The following NRXN1 variants were observed in gnomAD, a reference collection of about 807,000 sequenced individuals.
NRXN1 encodes neurexin-1.
In NRXN1, 39 loss-of-function variants were observed where a neutral mutation model predicts 150.9. The observed-to-expected ratio is 0.26, with a 90% CI of 0.20 to 0.34. The LOEUF (loss-of-function observed/expected upper bound fraction) is 0.34, where lower values mean the gene tolerates loss of function less well. Ranked by LOEUF, NRXN1 falls within the 10% of genes least tolerant of loss-of-function variation. NRXN1 has a pLI of 1.00. For synonymous variants in NRXN1, 924 were observed against 757.0 expected, an observed-to-expected ratio of 1.22 and a Z score of -3.62; for missense variants, 1,815 against 1,949.9, an observed-to-expected ratio of 0.93 and a Z score of 1.30.
At chr2:50,269,971 A>AAAATT (rs1196148238) in intron 17 of NRXN1, among the ~76,000 whole-genome samples, 14 of 152,184 alleles carry the variant, frequency 9.2e-5, no homozygotes, top group African/African-American at 1.7e-4. Flanking sequence ...CTGTTAAAAC[A>AAAATT]AAATTAAATT....
At chr2:50,822,934 T>A (rs1669940071) in intron 5 of NRXN1, among the ~76,000 whole-genome samples, 1 of 152,192 alleles carries the variant, frequency 6.6e-6, no homozygotes, top group African/African-American at 2.4e-5. Flanking sequence ...AATCTCTGAC[T>A]GATTATGGGC....
chr2:50,838,274 T>A (rs1467606673), intron 5 of NRXN1, among the ~76,000 whole-genome samples: 2 of 152,154 alleles, frequency 1.3e-5, no homozygotes, highest in African/African-American at 4.8e-5. Context: ...CTGTTTCCCA[T>A]AATGAAATCA....
intron 19 of NRXN1, among the ~76,000 whole-genome samples, chr2:50,087,957 C>A (rs1391920501): frequency 1.3e-5 from 2 of 152,126 alleles, no homozygotes; most frequent in Non-Finnish European, 2.9e-5. Context: ...ATACTAATTA[C>A]TAATTTCAAT....
intron 18 of NRXN1, among the ~76,000 whole-genome samples, chr2:50,119,321 T>A (rs533672524): frequency 2.7e-5 from 4 of 150,828 alleles, no homozygotes; most frequent in Non-Finnish European, 5.9e-5. Context: ...TGGGACACAT[T>A]TCCTGCCAAA....
At chr2:50,644,450 CA>C (rs2104504857) in intron 5 of NRXN1, among the ~76,000 whole-genome samples, 1 of 151,594 alleles carries the variant, frequency 6.6e-6, no homozygotes, top group African/African-American at 2.4e-5. Flanking sequence ...CTATCAAAAG[CA>C]AAAGAAATAA....
At chr2:50,076,842 T>C (rs918016377) in intron 19 of NRXN1, among the ~76,000 whole-genome samples, 3 of 152,180 alleles carry the variant, frequency 2.0e-5, no homozygotes, top group Non-Finnish European at 1.5e-5. Flanking sequence ...AAACAGCCCT[T>C]ACAGATCTGA....
chr2:50,173,041 C>T (rs745933037), intron 18 of NRXN1, among the ~76,000 whole-genome samples: 1 of 152,170 alleles, frequency 6.6e-6, no homozygotes, highest in East Asian at 1.9e-4. Flanking sequence ...TAAACATATA[C>T]GCGCAATCTA....
chr2:50,358,668 C>T (rs1023080812), intron 17 of NRXN1, among the ~76,000 whole-genome samples: 20 of 152,226 alleles, frequency 1.3e-4, no homozygotes, highest in African/African-American at 3.9e-4. Flanking sequence ...AGCCAACTTA[C>T]CCACTCCTGC....
intron 18 of NRXN1, among the ~76,000 whole-genome samples, chr2:50,114,709 C>T (rs530681823): frequency 6.6e-6 from 1 of 152,196 alleles, no homozygotes; most frequent in African/African-American, 2.4e-5. Flanking sequence ...CATGAAAAAA[C>T]ATGGGGAAGT....
intron 8 of NRXN1, among the ~76,000 whole-genome samples, chr2:50,609,599 C>A (rs1035662431): frequency 6.6e-6 from 1 of 152,096 alleles, no homozygotes; most frequent in African/African-American, 2.4e-5. Context: ...TCAGGTGATA[C>A]AACTACCAAG....
intron 17 of NRXN1, among the ~76,000 whole-genome samples, chr2:50,274,410 C>T (rs745974897): frequency 3.9e-5 from 6 of 151,960 alleles, no homozygotes; most frequent in South Asian, 2.1e-4. Flanking sequence ...TGGGGGGCTA[C>T]GGGAGGGATA....
intron 5 of NRXN1, among the ~76,000 whole-genome samples, chr2:50,880,069 T>C (rs1472817412): frequency 6.6e-6 from 1 of 151,934 alleles, no homozygotes; most frequent in Non-Finnish European, 1.5e-5. Context: ...GACAAATGGT[T>C]CTCTGCTGCA....
chr2:50,030,227 T>C (rs1013570571), intron 21 of NRXN1, among the ~76,000 whole-genome samples: 3 of 152,160 alleles, frequency 2.0e-5, no homozygotes, highest in Non-Finnish European at 2.9e-5. Context: ...GCCTTTACTT[T>C]AGAAAACTTG....
intron 13 of NRXN1, 112 bp downstream of exon 13, chr2:50,506,382 AT>A (rs2092221971): frequency 1.2e-6 from 1 of 849,460 alleles, no homozygotes; most frequent in South Asian, 3.2e-5. Context: ...ATAAAAATGG[AT>A]TGTGTGAATA....
intron 18 of NRXN1, among the ~76,000 whole-genome samples, chr2:50,111,105 C>T (rs533784115): frequency 2.0e-5 from 3 of 152,112 alleles, no homozygotes; most frequent in Admixed American, 6.5e-5. Flanking sequence ...TAGATTGTCC[C>T]GTGATACACT....
chr2:50,100,670 A>G (rs1700861190), intron 18 of NRXN1, among the ~76,000 whole-genome samples: 1 of 152,046 alleles, frequency 6.6e-6, no homozygotes, highest in African/African-American at 2.4e-5. Context: ...TCCAAATAGC[A>G]TACGTTTGCA....
At chr2:50,908,965 T>C (rs189723856) in intron 5 of NRXN1, among the ~76,000 whole-genome samples, 2 of 152,154 alleles carry the variant, frequency 1.3e-5, no homozygotes, top group East Asian at 3.9e-4. Context: ...CTATAAGAAA[T>C]AAACTTATTT....
chr2:50,562,486 A>G (rs1669248073), intron 8 of NRXN1, among the ~76,000 whole-genome samples: 1 of 152,052 alleles, frequency 6.6e-6, no homozygotes, highest in South Asian at 2.1e-4. Flanking sequence ...ATCAATTTTA[A>G]GCTTTGAAAA....
At chr2:50,635,137 G>A (rs1412550560) in intron 5 of NRXN1, among the ~76,000 whole-genome samples, 4 of 151,792 alleles carry the variant, frequency 2.6e-5, no homozygotes, top group Non-Finnish European at 5.9e-5. Flanking sequence ...TGGCTGCACC[G>A]AATGTTGCTG....
Sources: gnomAD v4.1 joint callset for allele counts (sites outside exome capture counted in the v4.1 genomes callset) on GRCh38, gnomAD v4.1.1 for gene constraint, MANE v1.5 for transcripts, NCBI Gene and HGNC (gene_info 2026-07-23, HGNC 2026-07-21) for gene names.